PCDH10: variants seen among roughly 807,000 people sequenced by gnomAD.
PCDH10 encodes protocadherin-10.
PCDH10 carries 15 observed loss-of-function variants against 74.4 expected under a neutral mutation model. The observed-to-expected ratio is 0.20, with a 90% confidence interval of 0.13 to 0.31. PCDH10 has a LOEUF of 0.31. PCDH10 is among the 10% of genes least tolerant of loss of function. The pLI is 1.00. For missense variants in PCDH10, 1,260 were observed against 1,390.2 expected, an observed-to-expected ratio of 0.91 and a Z score of 1.49; for synonymous variants, 619 against 589.8, an observed-to-expected ratio of 1.05 and a Z score of -0.72.
chr4:133,179,244 C>T (rs770588949), intron 4 of PCDH10, among the ~76,000 whole-genome samples: 6 of 152,072 alleles, frequency 3.9e-5, no homozygotes, highest in African/African-American at 1.4e-4. Flanking sequence ...GACTAGCTTA[C>T]GAAAATCAAT....
chr4:133,165,186 A>G (rs1727052832), intron 4 of PCDH10, among the ~76,000 whole-genome samples: 1 of 150,730 alleles, frequency 6.6e-6, no homozygotes, highest in African/African-American at 2.4e-5. Context: ...CTCAAAATTT[A>G]GGGTTTGGGT....
rs1390580100 is a variant in PCDH10, at chr4:133,191,128, G to T, written c.*968G>T. On this transcript the variant is annotated 3_prime_UTR_variant, in exon 5 of 5. Transcript: ENST00000264360. ...GACTTTGAATTTAGAATCACTTAAA[G>T]CTTTTATAAAGAATCGATAAATTCA... 6.6e-6 allele frequency: 1 copy of T among 152,272 alleles called. No individual in the cohort carries two copies. Among genetic ancestry groups the T allele is most frequent in the Non-Finnish European group, 1.5e-5 (1 of 67,898 alleles). 9.4% of individuals were successfully genotyped at this position (152,272 alleles called of 1,614,324 possible).
intron 4 of PCDH10, among the ~76,000 whole-genome samples, 170 bp downstream of exon 4, chr4:133,163,452 TTCCTC>T (rs1216301155): frequency 6.6e-6 from 1 of 152,180 alleles, no homozygotes; most frequent in African/African-American, 2.4e-5. Context: ...AAATAATAGA[TTCCTC>T]TAACATTGAG....
At position 133,149,549 on chromosome 4, in the gene PCDH10, G is replaced by A. The variant is rs567579310; in HGVS notation, c.-592G>A. On this transcript the variant is annotated 5_prime_UTR_variant, in exon 1 of 5. Coordinates refer to ENST00000264360, the MANE Select transcript of PCDH10 (RefSeq NM_032961.3). Reference sequence around the variant, plus strand: ...AAGAACATCCATCCGGAGAAATGAAGAGAATGAAAGTTTTAAGCTGCAGAG... The same window carrying A: ...AAGAACATCCATCCGGAGAAATGAAAAGAATGAAAGTTTTAAGCTGCAGAG... The A allele has an allele frequency of 6.6e-6, 1 of 152,448 alleles. No homozygotes were observed. Among genetic ancestry groups the A allele is most frequent in the East Asian group, 1.9e-4 (1 of 5,182 alleles). 9.4% of individuals were successfully genotyped at this position (152,448 alleles called of 1,614,324 possible). A position where few individuals can be genotyped will look rare whatever the true frequency, so the allele number is the denominator to read the frequency against.
In PCDH10 at chr4:133,191,561, A is replaced by T. The variant is rs1201905671; in HGVS notation, c.*1401A>T. On this transcript the variant is annotated 3_prime_UTR_variant, in exon 5 of 5. Transcript: ENST00000264360. ...TTTTATGTCAACAATATTAATTATT[A>T]AATTTAGTAAGACGCACTTTCCTTT... 1 of 152,192 alleles carries T rather than the reference A, an allele frequency of 6.6e-6. No homozygotes were observed. Among genetic ancestry groups the T allele is most frequent in the African/African-American group, 2.4e-5 (1 of 41,418 alleles). 9.4% of individuals were successfully genotyped at this position (152,192 alleles called of 1,614,324 possible).
intron 1 of PCDH10, chr4:133,153,195 G>C: frequency 1.9e-6 from 2 of 1,073,728 alleles, no homozygotes; most frequent in Non-Finnish European, 2.3e-6. Flanking sequence ...ATTTTGCTTT[G>C]TTTAACGATG....
intron 4 of PCDH10, among the ~76,000 whole-genome samples, chr4:133,168,577 C>T (rs920151127): frequency 6.6e-6 from 1 of 151,536 alleles, no homozygotes; most frequent in African/African-American, 2.4e-5. Flanking sequence ...TCAAAACTTA[C>T]ACAATTATAA....
In PCDH10 at chr4:133,194,181, C is replaced by G. The variant is rs1727743301; in HGVS notation, c.*4021C>G. On this transcript the variant is annotated 3_prime_UTR_variant, in exon 5 of 5. Transcript: ENST00000264360. ...GTGTGCATGCGTGTATTTCTAATCA[C>G]TGTTATTTTTTAAGTATTTGTAAAA... 1 of 151,800 alleles carries G rather than the reference C, an allele frequency of 6.6e-6. No individual in the cohort carries two copies. Among genetic ancestry groups the G allele is most frequent in the Admixed American group, 6.6e-5 (1 of 15,222 alleles). 9.4% of individuals were successfully genotyped at this position (151,800 alleles called of 1,614,324 possible).
intron 4 of PCDH10, among the ~76,000 whole-genome samples, chr4:133,180,497 A>G (rs1023200037): frequency 2.6e-5 from 4 of 151,934 alleles, no homozygotes; most frequent in African/African-American, 9.7e-5. Context: ...TATTTTTTTA[A>G]TATCATGTTG....
rs1726669995 is a variant in PCDH10 at position 133,151,049 on chromosome 4, C to G, written c.909C>G (p.Leu303=). The stretch of plus-strand genomic sequence containing the variant: ...CCCGGGCGCGGGAGCTTTTCGGACT[C>G]TCGCCGCGCACTGGCAGACTGGAGG... ...ISPRARELFG[L]SPRTGRLEVS... Residue 303 remains leucine, a synonymous_variant, in exon 1 of 5, where the codon CTC becomes CTG. Transcript: ENST00000264360. 2.5e-6 allele frequency: 4 copies of G among 1,613,896 alleles called. No individual in the cohort carries two copies. Among genetic ancestry groups the G allele is most frequent in the Admixed American group, 1.7e-5 (1 of 60,012 alleles).
At chr4:133,198,018 GTAA>G (rs750601781), downstream of PCDH10, among the ~76,000 whole-genome samples, 4 of 145,300 alleles carry the variant, frequency 2.8e-5, no homozygotes, top group Non-Finnish European at 4.5e-5. Context: ...ATTGGGAAAG[GTAA>G]TAACAGGCTC....
chr4:133,165,715 TG>T (rs1057199772), intron 4 of PCDH10, among the ~76,000 whole-genome samples: 13 of 151,784 alleles, frequency 8.6e-5, no homozygotes, highest in Non-Finnish European at 1.5e-4. Context: ...GTTATGTTTT[TG>T]TAAAGCTCTA....
In PCDH10 at chr4:133,150,893, C is replaced by G. The variant is rs375479426; in HGVS notation, c.753C>G (p.Asp251Glu). ...CCAATGACAATGTGCCCGCTTTCGA[C>G]CAACCCGTCTACACTGTGTCCCTAC... is the stretch of plus-strand genomic sequence containing the variant. ...LDSNDNVPAF[D>E]QPVYTVSLPE... Residue 251 changes from aspartate (D) to glutamate (E), a missense_variant, in exon 1 of 5, where the codon GAC (aspartate) becomes GAG (glutamate). Physicochemically the swap from Asp to Glu is conservative, Grantham distance 45. Transcript: ENST00000264360. 3.7e-6 allele frequency: 6 copies of G among 1,612,930 alleles called. No individual in the cohort carries two copies. The African/African-American group carries it at 8.0e-5, about 21-fold the overall frequency.
intron 3 of PCDH10, among the ~76,000 whole-genome samples, chr4:133,160,752 T>C (rs1287734820): frequency 1.3e-5 from 2 of 151,676 alleles, no homozygotes; most frequent in Non-Finnish European, 2.9e-5. Flanking sequence ...TGATATTTAG[T>C]CGTCGTGAAG....
At position 133,194,426 on chromosome 4, in the gene PCDH10, C is replaced by A. The variant is rs1428766579; in HGVS notation, c.*4266C>A. The A allele has an allele frequency of 6.6e-6, 1 of 151,800 alleles. No homozygotes were observed. The highest frequency in any genetic ancestry group is 1.5e-5 in the Non-Finnish European group (1 of 67,808). The allele number at this position is 151,800 out of a possible 1,614,324, so 9.4% of individuals were successfully genotyped here. ...AAGCAGGGAATTTCAGCTCTAAACA[C>A]ATTTTTGAGACAGTTATCTGTGAGT... On this transcript the variant is annotated 3_prime_UTR_variant, in exon 5 of 5. Transcript: ENST00000264360.
chr4:133,187,941 T>G (rs1727575810), intron 4 of PCDH10, among the ~76,000 whole-genome samples: 1 of 152,120 alleles, frequency 6.6e-6, no homozygotes, highest in Non-Finnish European at 1.5e-5. Context: ...TGTTGACTAC[T>G]TTCTGAATTT....
chr4:133,197,583 G>C (rs1255284174), downstream of PCDH10, among the ~76,000 whole-genome samples: 1 of 152,076 alleles, frequency 6.6e-6, no homozygotes, highest in African/African-American at 2.4e-5. Context: ...ATTGTGAAGG[G>C]AATTTATTGA....
chr4:133,180,242 A>G (rs1267334909), intron 4 of PCDH10, among the ~76,000 whole-genome samples: 2 of 152,068 alleles, frequency 1.3e-5, no homozygotes, highest in Non-Finnish European at 2.9e-5. Flanking sequence ...CTAAGTAAAT[A>G]TAAGGTAATC....
chr4:133,171,233 G>T (rs1489710369), intron 4 of PCDH10, among the ~76,000 whole-genome samples: 1 of 151,964 alleles, frequency 6.6e-6, no homozygotes, highest in African/African-American at 2.4e-5. Context: ...ACACAAACTA[G>T]AAAATTAGCT....
Sources: gnomAD v4.1 joint callset for allele counts (sites outside exome capture counted in the v4.1 genomes callset) on GRCh38, gnomAD v4.1.1 for gene constraint, MANE v1.5 for transcripts, NCBI Gene and HGNC (gene_info 2026-07-23, HGNC 2026-07-21) for gene names.